Variants in LSAMP observed in about 807,000 individuals in gnomAD.
LSAMP encodes the protein limbic system associated membrane protein.
LSAMP carries 7 observed loss-of-function variants against 38.6 expected under a neutral mutation model. The ratio of observed to expected loss-of-function variants is 0.18; its 90% CI spans 0.10 to 0.34. The LOEUF is 0.34. Ranked by LOEUF, LSAMP falls within the 10% of genes least tolerant of loss-of-function variation. The pLI is 1.00. For synonymous variants in LSAMP, 154 were observed against 166.8 expected (o/e 0.92, Z 0.59); for missense variants, 313 against 420.0 (o/e 0.75, Z 2.23).
intron 3 of LSAMP, among the ~76,000 whole-genome samples, chr3:115,894,412 C>A (rs2107466022): frequency 6.6e-6 from 1 of 152,132 alleles, no homozygotes; most frequent in South Asian, 2.1e-4. Flanking sequence ...TCGGTACTCT[C>A]TGGATGAAGG....
intron 1 of LSAMP, among the ~76,000 whole-genome samples, chr3:116,295,730 A>G (rs1167002315): frequency 1.3e-5 from 2 of 152,242 alleles, no homozygotes; most frequent in Non-Finnish European, 2.9e-5. Context: ...TTAGAAGGGG[A>G]ACAAAAAGGT....
chr3:115,817,097 G>A (rs551485823), intron 6 of LSAMP, among the ~76,000 whole-genome samples: 10 of 152,110 alleles, frequency 6.6e-5, no homozygotes, highest in African/African-American at 2.2e-4. Context: ...AAACCTTCAC[G>A]CTTGCTTTTC....
intron 6 of LSAMP, among the ~76,000 whole-genome samples, chr3:115,818,644 C>T (rs1934108631): frequency 6.7e-6 from 1 of 149,274 alleles, no homozygotes; most frequent in African/African-American, 2.5e-5. Flanking sequence ...TGGTAAAATC[C>T]CTTCTAGACA....
At chr3:116,213,357 A>T (rs1464500983) in intron 1 of LSAMP, among the ~76,000 whole-genome samples, 1 of 152,156 alleles carries the variant, frequency 6.6e-6, no homozygotes, top group Non-Finnish European at 1.5e-5. Flanking sequence ...TATAAAGAGG[A>T]GTTCCCCTGC....
At chr3:115,945,853 A>G (rs1485423148) in intron 3 of LSAMP, among the ~76,000 whole-genome samples, 1 of 152,196 alleles carries the variant, frequency 6.6e-6, no homozygotes, top group Non-Finnish European at 1.5e-5. Flanking sequence ...TTTGCTTTTG[A>G]GTTCTTATTG....
At chr3:115,908,874 C>A (rs147169379) in intron 3 of LSAMP, among the ~76,000 whole-genome samples, 1 of 152,086 alleles carries the variant, frequency 6.6e-6, no homozygotes, top group African/African-American at 2.4e-5. Flanking sequence ...ACCTTCTGTC[C>A]GGCACTTCTG....
At chr3:116,162,065 C>T (rs1383852214) in intron 1 of LSAMP, among the ~76,000 whole-genome samples, 3 of 151,940 alleles carry the variant, frequency 2.0e-5, no homozygotes, top group Non-Finnish European at 2.9e-5. Context: ...ATTAATGGAT[C>T]CACCGCCTCC....
chr3:115,936,929 T>C (rs1002697601), intron 3 of LSAMP, among the ~76,000 whole-genome samples: 3 of 152,166 alleles, frequency 2.0e-5, no homozygotes, highest in South Asian at 2.1e-4. Flanking sequence ...ATAGTAGTTT[T>C]CATTTAGTTA....
chr3:115,914,160 C>T (rs752151366), intron 3 of LSAMP, among the ~76,000 whole-genome samples: 1 of 152,146 alleles, frequency 6.6e-6, no homozygotes, highest in Non-Finnish European at 1.5e-5. Context: ...AGATCCTTGA[C>T]CAAACTTTAG....
chr3:115,989,133 C>A (rs1268690159), intron 3 of LSAMP, among the ~76,000 whole-genome samples: 1 of 151,660 alleles, frequency 6.6e-6, no homozygotes, highest in East Asian at 1.9e-4. Flanking sequence ...AAAGTGAAAG[C>A]AATTCATAGA....
intron 1 of LSAMP, among the ~76,000 whole-genome samples, chr3:116,105,178 A>G (rs545572771): frequency 2.0e-4 from 16 of 80,514 alleles, no homozygotes; most frequent in South Asian, 5.5e-4. Flanking sequence ...GACTAGGGGG[A>G]AAAAAAAAAA....
intron 1 of LSAMP, among the ~76,000 whole-genome samples, chr3:116,315,183 T>C (rs2047611972): frequency 6.6e-6 from 1 of 152,168 alleles, no homozygotes; most frequent in African/African-American, 2.4e-5. Flanking sequence ...CTTACCCATA[T>C]CCCAGTTTCT....
At position 116,131,069 on chromosome 3, in the gene LSAMP, C is replaced by T. The variant is rs370932229; in HGVS notation, c.156-44513G>A. On this transcript the variant is annotated intron_variant, in intron 1 of 6. Transcript: ENST00000490035. ...GCAGTGGCACGGTCTTGGCTCACTGCAAGCTCCATCTCCCAGGTTCACGCC... is the reference window on the plus strand; with the variant it reads ...GCAGTGGCACGGTCTTGGCTCACTGTAAGCTCCATCTCCCAGGTTCACGCC... Among the ~76,000 whole-genome samples, 171 of 147,286 alleles carry T rather than the reference C, an allele frequency of 1.2e-3. 6 individuals carry two copies. The South Asian group carries it at 0.036, about 31-fold the overall frequency.
chr3:116,000,169 C>A (rs553986675), intron 3 of LSAMP, among the ~76,000 whole-genome samples: 2 of 152,172 alleles, frequency 1.3e-5, no homozygotes, highest in African/African-American at 2.4e-5. Flanking sequence ...AATGCCTCTA[C>A]TCTTTGTTTT....
intron 3 of LSAMP, among the ~76,000 whole-genome samples, chr3:115,982,201 AT>A (rs1939380503): frequency 6.6e-6 from 1 of 152,228 alleles, no homozygotes; most frequent in East Asian, 1.9e-4. Context: ...ATGAATGAGA[AT>A]AACACCTTTA....
chr3:115,859,515 C>G (rs1481582122), intron 3 of LSAMP, among the ~76,000 whole-genome samples: 2 of 152,164 alleles, frequency 1.3e-5, no homozygotes, highest in African/African-American at 4.8e-5. Flanking sequence ...GTGGGTTACT[C>G]TGCTATAGAA....
At chr3:116,209,747 T>C (rs1472064926) in intron 1 of LSAMP, among the ~76,000 whole-genome samples, 6 of 151,658 alleles carry the variant, frequency 4.0e-5, no homozygotes, top group African/African-American at 1.2e-4. Flanking sequence ...ATTTATTATT[T>C]ATTTATTTAT....
chr3:115,837,196 T>G (rs1056551072), intron 6 of LSAMP, among the ~76,000 whole-genome samples: 3 of 152,208 alleles, frequency 2.0e-5, no homozygotes, highest in African/African-American at 7.2e-5. Context: ...CACTTGAAAT[T>G]TAGTCAACTA....
intron 3 of LSAMP, among the ~76,000 whole-genome samples, chr3:115,985,774 C>A (rs1433108912): frequency 2.0e-5 from 3 of 152,124 alleles, no homozygotes; most frequent in African/African-American, 7.2e-5. Context: ...CATCTACAAC[C>A]ATGTAGGTGA....
Sources: gnomAD v4.1 joint callset for allele counts (sites outside exome capture counted in the v4.1 genomes callset) on GRCh38, gnomAD v4.1.1 for gene constraint, MANE v1.5 for transcripts, NCBI Gene and HGNC (gene_info 2026-07-23, HGNC 2026-07-21) for gene names.